Variants in MOB4 observed in about 807,000 individuals in gnomAD.
MOB4 encodes MOB-like protein phocein.
Under a neutral mutation model 32.2 loss-of-function variants are expected in MOB4, and 4 were observed. The observed-to-expected ratio is 0.12, with a 90% CI of 0.06 to 0.28. The LOEUF (loss-of-function observed/expected upper bound fraction) is 0.28. Ranked by LOEUF, MOB4 falls within the 10% of genes least tolerant of loss-of-function variation. The pLI is 1.00. For synonymous variants in MOB4, 88 were observed against 88.1 expected (o/e 1.00, Z 0.01); for missense variants, 158 against 271.2 (o/e 0.58, Z 2.93).
intron 1 of MOB4, 60 bp downstream of exon 1, chr2:197,516,206 A>T (rs1261385121): frequency 6.5e-7 from 1 of 1,547,318 alleles, no homozygotes; most frequent in Non-Finnish European, 8.7e-7. Flanking sequence ...TGCGCCCGGA[A>T]GCTGGCCGCC....
intron 1 of MOB4, among the ~76,000 whole-genome samples, chr2:197,521,640 G>T (rs575222460): frequency 1.3e-5 from 2 of 152,178 alleles, no homozygotes; most frequent in African/African-American, 4.8e-5. Flanking sequence ...GCCGTCTATA[G>T]ACCCACCCCC....
intron 2 of MOB4, among the ~76,000 whole-genome samples, chr2:197,535,222 C>CAAAA (rs371120769): frequency 1.5e-5 from 1 of 66,418 alleles, no homozygotes; most frequent in Admixed American, 1.6e-4. Context: ...GACCCTGTTT[C>CAAAA]AAAAAAAAAA....
At chr2:197,537,100 A>G (rs1229994889) in intron 3 of MOB4, among the ~76,000 whole-genome samples, 1 of 152,162 alleles carries the variant, frequency 6.6e-6, no homozygotes, top group African/African-American at 2.4e-5. Flanking sequence ...GTATCTGATA[A>G]GTTACCTGTA....
At chr2:197,525,208 G>A (rs549107868) in intron 2 of MOB4, among the ~76,000 whole-genome samples, 5 of 152,008 alleles carry the variant, frequency 3.3e-5, no homozygotes, top group East Asian at 1.9e-4. Flanking sequence ...TTAGCCGGGC[G>A]TGGTGGTGGG....
chr2:197,530,148 T>G (rs1218995764), intron 2 of MOB4, among the ~76,000 whole-genome samples: 3 of 152,080 alleles, frequency 2.0e-5, no homozygotes, highest in Non-Finnish European at 2.9e-5. Flanking sequence ...TTTTGTATTT[T>G]TAGTAGAGAC....
At chr2:197,529,882 G>A (rs1446045535) in intron 2 of MOB4, among the ~76,000 whole-genome samples, 1 of 151,718 alleles carries the variant, frequency 6.6e-6, no homozygotes, top group Non-Finnish European at 1.5e-5. Context: ...TCGATCTCTT[G>A]ACCTTGTGAT....
chr2:197,550,478 G>A, intron 7 of MOB4, 37 bp from the exon 8 acceptor site: 2 of 1,579,860 alleles, frequency 1.3e-6, no homozygotes, highest in Non-Finnish European at 1.7e-6. Context: ...GTTTGGGATA[G>A]TGAATTAAAA....
chr2:197,542,969 G>A (rs958866494), intron 5 of MOB4, among the ~76,000 whole-genome samples: 4 of 152,056 alleles, frequency 2.6e-5, no homozygotes, highest in African/African-American at 9.7e-5. Context: ...TGAAATGTGG[G>A]TAGTCAAAAT....
intron 2 of MOB4, among the ~76,000 whole-genome samples, chr2:197,533,506 G>A (rs1340933444): frequency 6.6e-6 from 1 of 152,002 alleles, no homozygotes; most frequent in Non-Finnish European, 1.5e-5. Flanking sequence ...GGGTGGATCA[G>A]CTGAGGTCAG....
rs1426533610 is a variant in MOB4 at position 197,535,517 on chromosome 2, T to A, written c.124-13T>A. The A allele has an allele frequency of 1.3e-6, 2 of 1,580,486 alleles. No individual in the cohort carries two copies. The highest frequency in any genetic ancestry group is 1.7e-6 in the Non-Finnish European group (2 of 1,168,340). Reference sequence around the variant, plus strand: ...TATAATTTAATTAACCATAAGAACTTCTTTGTTTTTAGTATATTCAACAGA... The same window carrying A: ...TATAATTTAATTAACCATAAGAACTACTTTGTTTTTAGTATATTCAACAGA... On this transcript the variant is annotated splice_polypyrimidine_tract_variant and intron_variant, in intron 2 of 7. Transcript: ENST00000323303.
intron 1 of MOB4, 114 bp downstream of exon 1, chr2:197,516,260 G>A: frequency 2.0e-6 from 3 of 1,491,390 alleles, no homozygotes; most frequent in East Asian, 2.6e-5. Flanking sequence ...GCGGGCTGGG[G>A]CACTGGTGCC....
chr2:197,521,167 A>G lies in MOB4; in HGVS notation c.61-2457A>G, dbSNP rs545156744. Among the ~76,000 whole-genome samples the G allele has an allele frequency of 5.1e-4, 77 of 152,266 alleles. 2 individuals are homozygous for G. In the South Asian group the frequency reaches 8.3e-3, roughly 16 times the overall value. ...TTCTTTTCTATTTTCCCTAAGCATC[A>G]GCCAGTTTGAGAAATGAAGGGACAG... On this transcript the variant is annotated intron_variant, in intron 1 of 7. Transcript: ENST00000323303.
At chr2:197,544,305 C>T (rs1425673149) in intron 5 of MOB4, among the ~76,000 whole-genome samples, 1 of 152,136 alleles carries the variant, frequency 6.6e-6, no homozygotes, top group African/African-American at 2.4e-5. Context: ...CTCCTGGCCT[C>T]AAGTGATCCA....
chr2:197,538,488 T>C (rs1033053613), intron 3 of MOB4, among the ~76,000 whole-genome samples: 1 of 152,048 alleles, frequency 6.6e-6, no homozygotes, highest in African/African-American at 2.4e-5. Flanking sequence ...TTAATTTAGA[T>C]TGGGTCATGA....
chr2:197,531,531 T>G (rs1436211796), intron 2 of MOB4, among the ~76,000 whole-genome samples: 1 of 152,132 alleles, frequency 6.6e-6, no homozygotes, highest in Non-Finnish European at 1.5e-5. Context: ...AGCTTATATC[T>G]TTTTACAAAC....
chr2:197,549,984 A>C (rs1446410332), intron 6 of MOB4, among the ~76,000 whole-genome samples: 1 of 152,118 alleles, frequency 6.6e-6, no homozygotes, highest in Non-Finnish European at 1.5e-5. Context: ...TTGGAAATAG[A>C]TGTTATAGTA....
intron 1 of MOB4, 27 bp from the exon 2 acceptor site, chr2:197,523,597 G>A (rs777224040): frequency 6.2e-7 from 1 of 1,601,470 alleles, no homozygotes; most frequent in Admixed American, 1.7e-5. Flanking sequence ...TTTTGTATGT[G>A]CTTTAACCGT....
chr2:197,518,018 G>A (rs2086446040), intron 1 of MOB4, among the ~76,000 whole-genome samples: 1 of 151,838 alleles, frequency 6.6e-6, no homozygotes, highest in Admixed American at 6.6e-5. Flanking sequence ...GCGGGCGCCT[G>A]TAATCCCAGC....
At chr2:197,540,550 C>T in intron 5 of MOB4, 113 bp downstream of exon 5, 2 of 1,018,898 alleles carry the variant, frequency 2.0e-6, no homozygotes, top group Non-Finnish European at 2.7e-6. Flanking sequence ...TTTGCTATTT[C>T]ATTTTGAGTT....
Sources: gnomAD v4.1 joint callset for allele counts (sites outside exome capture counted in the v4.1 genomes callset) on GRCh38, gnomAD v4.1.1 for gene constraint, MANE v1.5 for transcripts, NCBI Gene and HGNC (gene_info 2026-07-23, HGNC 2026-07-21) for gene names.